SEMA3E: variants seen among roughly 807,000 people sequenced by gnomAD.
SEMA3E encodes the protein semaphorin-3E.
A neutral mutation model predicts 93.6 loss-of-function variants in SEMA3E; 49 were observed. The ratio of observed to expected loss-of-function variants is 0.52; its 90% CI spans 0.42 to 0.66. SEMA3E has a LOEUF of 0.66. Ranked by LOEUF, SEMA3E falls within the 30% of genes least tolerant of loss-of-function variation. SEMA3E has a pLI of 0.00. For synonymous variants in SEMA3E, 363 were observed against 330.7 expected (o/e 1.10, Z -1.06); for missense variants, 906 against 964.8 (o/e 0.94, Z 0.81).
intron 1 of SEMA3E, among the ~76,000 whole-genome samples, chr7:83,522,927 C>T (rs913644524): frequency 1.3e-5 from 2 of 151,954 alleles, no homozygotes; most frequent in African/African-American, 4.8e-5. Context: ...CTCGTAAGCC[C>T]CTAAGCACAA....
intron 1 of SEMA3E, among the ~76,000 whole-genome samples, chr7:83,596,684 C>T (rs996991301): frequency 3.3e-5 from 5 of 151,998 alleles, no homozygotes; most frequent in African/African-American, 7.2e-5. Flanking sequence ...CCCAGTTCCC[C>T]ATTCTTATTC....
intron 1 of SEMA3E, among the ~76,000 whole-genome samples, chr7:83,521,020 A>G (rs1171873647): frequency 6.6e-6 from 1 of 151,762 alleles, no homozygotes; most frequent in Non-Finnish European, 1.5e-5. Context: ...GCCTGTAAAT[A>G]GATTGTTTTC....
At chr7:83,494,532 T>A (rs1046416825) in intron 1 of SEMA3E, among the ~76,000 whole-genome samples, 1 of 151,920 alleles carries the variant, frequency 6.6e-6, no homozygotes, top group Non-Finnish European at 1.5e-5. Context: ...GCCATGTTAT[T>A]TGGAATATTA....
intron 4 of SEMA3E, among the ~76,000 whole-genome samples, chr7:83,445,119 G>C (rs1339186454): frequency 6.6e-6 from 1 of 152,184 alleles, no homozygotes; most frequent in Non-Finnish European, 1.5e-5. Context: ...GAAGGCTGTA[G>C]GTAACAATAA....
chr7:83,490,106 T>A lies in SEMA3E; in HGVS notation c.276+8A>T. ...TCTCTACTGAAATGCAGTTTGATAT[T>A]TCTATACCTCTTTATAGCCGTCACT... is the stretch of plus-strand genomic sequence containing the variant. On this transcript the variant is annotated splice_region_variant and intron_variant, in intron 2 of 16. Coordinates refer to ENST00000643230, the MANE Select transcript of SEMA3E (RefSeq NM_012431.3). 6.2e-7 allele frequency: 1 copy of A among 1,612,258 alleles called. No homozygotes were observed. The highest frequency in any genetic ancestry group is 1.1e-5 in the South Asian group (1 of 91,052).
intron 1 of SEMA3E, among the ~76,000 whole-genome samples, chr7:83,498,879 G>C (rs1790543194): frequency 6.6e-6 from 1 of 152,068 alleles, no homozygotes; most frequent in Admixed American, 6.6e-5. Context: ...CCTCTATTTA[G>C]TTCTTACTTC....
chr7:83,564,906 T>C (rs948337701), intron 1 of SEMA3E, among the ~76,000 whole-genome samples: 1 of 152,078 alleles, frequency 6.6e-6, no homozygotes, highest in African/African-American at 2.4e-5. Context: ...TGAATCCAGG[T>C]GCTGGTTTTT....
intron 14 of SEMA3E, among the ~76,000 whole-genome samples, chr7:83,387,843 TATATATGTTTATATATATATAACATTA>T (rs1291238701): frequency 1.5e-5 from 2 of 134,664 alleles, no homozygotes; most frequent in Non-Finnish European, 3.1e-5. Flanking sequence ...TATAACGTTA[TATATATGTTTATATATATATAACATTA>T]TATATATGTT....
At chr7:83,619,420 TA>T (rs1793496002) in intron 1 of SEMA3E, among the ~76,000 whole-genome samples, 1 of 151,900 alleles carries the variant, frequency 6.6e-6, no homozygotes, top group Non-Finnish European at 1.5e-5. Flanking sequence ...ATCTGGAGTT[TA>T]CTTAATTGAC....
chr7:83,478,864 T>C (rs73174557), intron 2 of SEMA3E, among the ~76,000 whole-genome samples: 2,313 of 152,338 alleles, frequency 0.015, 21 homozygotes, highest in Non-Finnish European at 0.025. Context: ...CAGTGATGGC[T>C]TCTAATACAG....
At position 83,618,612 on chromosome 7, in the gene SEMA3E, CTTTAT is replaced by C. The variant is rs377440889; in HGVS notation, c.115+29811_115+29815del. ...GTATTGGTAAAATTTACCTCAATGA[CTTTAT>C]TTTTTCTATTATTTGAGTAGCTAGT... On this transcript the variant is annotated intron_variant, in intron 1 of 16. Coordinates refer to ENST00000643230, the MANE Select transcript of SEMA3E (RefSeq NM_012431.3). Among the ~76,000 whole-genome samples, 723 of 151,940 alleles carry C rather than the reference CTTTAT, an allele frequency of 4.8e-3. 6 individuals are homozygous for C. The highest frequency in any genetic ancestry group is 0.015 in the African/African-American group (617 of 41,506).
intron 1 of SEMA3E, among the ~76,000 whole-genome samples, chr7:83,627,055 A>G (rs1182318489): frequency 6.6e-6 from 1 of 152,316 alleles, no homozygotes; most frequent in East Asian, 1.9e-4. Flanking sequence ...ATTTGATTGC[A>G]CTGTGGTCTG....
intron 5 of SEMA3E, among the ~76,000 whole-genome samples, chr7:83,414,318 GTTAA>G (rs1313809460): frequency 2.0e-5 from 3 of 151,064 alleles, no homozygotes; most frequent in East Asian, 2.0e-4. Flanking sequence ...TGCAAATATA[GTTAA>G]TTAAAAATAA....
At chr7:83,453,838 A>G (rs1789415775) in intron 4 of SEMA3E, among the ~76,000 whole-genome samples, 1 of 152,164 alleles carries the variant, frequency 6.6e-6, no homozygotes, top group Non-Finnish European at 1.5e-5. Context: ...ATTATCTGAA[A>G]GTATAATGTT....
rs1026209940 is a variant in SEMA3E at position 83,600,201 on chromosome 7, C to T, written c.115+48227G>A. Among the ~76,000 whole-genome samples the T allele has an allele frequency of 5.3e-5, 8 of 152,182 alleles. No homozygotes were observed. In the South Asian group the frequency reaches 1.2e-3, roughly 24 times the overall value. ...CATAAAAATCCTTCCAATTTAATGG[C>T]TCCTTTGCTCTCATCTTTGTCAAAA... is the stretch of plus-strand genomic sequence containing the variant. On this transcript the variant is annotated intron_variant, in intron 1 of 16. Transcript: ENST00000643230.
At chr7:83,548,659 G>A (rs1259507467) in intron 1 of SEMA3E, among the ~76,000 whole-genome samples, 1 of 152,022 alleles carries the variant, frequency 6.6e-6, no homozygotes, top group Admixed American at 6.6e-5. Context: ...TTAAGAAGTT[G>A]TCAATTCTCT....
At chr7:83,597,187 C>T (rs1375723192) in intron 1 of SEMA3E, among the ~76,000 whole-genome samples, 1 of 152,244 alleles carries the variant, frequency 6.6e-6, no homozygotes, top group Admixed American at 6.5e-5. Flanking sequence ...CTGATACCAA[C>T]AATGTGGTTC....
rs756346342 is a variant in SEMA3E, at chr7:83,385,342, C to T, written c.1827G>A (p.Ala609=). ...LLECTPRSLQ[A]KVIWFVQKGR... ...CTTTCTGTACAAACCAGATAACTTTCGCTTGTAAAGATCGTGGGGTACATT... is the reference window on the plus strand; with the variant it reads ...CTTTCTGTACAAACCAGATAACTTTTGCTTGTAAAGATCGTGGGGTACATT... The change falls in exon 16 of 17, where the codon GCG becomes GCA. Residue 609 remains alanine, a synonymous_variant. Coordinates refer to ENST00000643230, the MANE Select transcript of SEMA3E (RefSeq NM_012431.3). 31 of 1,613,468 alleles carry T rather than the reference C, an allele frequency of 1.9e-5. No individual in the cohort carries two copies. The South Asian group carries it at 2.3e-4, about 12-fold the overall frequency.
chr7:83,635,275 T>C (rs1336815510), intron 1 of SEMA3E, among the ~76,000 whole-genome samples: 1 of 151,902 alleles, frequency 6.6e-6, no homozygotes, highest in Non-Finnish European at 1.5e-5. Flanking sequence ...AAATTATTTT[T>C]TCCTTACCAT....
Sources: allele counts gnomAD v4.1 joint callset (sites outside exome capture counted in the v4.1 genomes callset), GRCh38; gene constraint gnomAD v4.1.1; transcripts MANE v1.5; gene names NCBI Gene and HGNC (gene_info 2026-07-23, HGNC 2026-07-21).